The following RBM19 variants were observed in gnomAD, a reference collection of about 807,000 sequenced individuals.
RBM19 encodes the protein RNA binding motif protein 19, also known as probable RNA-binding protein 19.
In RBM19, 94 loss-of-function variants were observed where a neutral mutation model predicts 116.8. The ratio of observed to expected loss-of-function variants is 0.80; its 90% CI spans 0.68 to 0.95. The LOEUF (loss-of-function observed/expected upper bound fraction) is 0.95. Among genes scored for constraint, RBM19 ranks in the 40% least tolerant of loss-of-function variants. The probability of loss-of-function intolerance (pLI) is 0.00; values close to 1 mark genes in which losing one functional copy is unlikely to be tolerated. For missense variants in RBM19, 1,161 were observed against 1,220.7 expected, an observed-to-expected ratio of 0.95 and a Z score of 0.73; for synonymous variants, 475 against 494.1, an observed-to-expected ratio of 0.96 and a Z score of 0.51.
In RBM19 at chr12:113,844,609, C is replaced by T. The variant is rs891877538; in HGVS notation, c.2785+59G>A. On this transcript the variant is annotated intron_variant, in intron 23 of 23. Transcript: ENST00000261741. ...GGGCAGTTCTCTCAGATGTCCCACC[C>T]ACCTCTTGTGTTCCCCAGGGGGCCC... The T allele has an allele frequency of 3.9e-6, 6 of 1,554,236 alleles. No homozygotes were observed. The South Asian group carries it at 4.9e-5, about 13-fold the overall frequency.
chr12:113,857,160 C>T (rs1274430697), intron 22 of RBM19, among the ~76,000 whole-genome samples: 4 of 152,222 alleles, frequency 2.6e-5, no homozygotes, highest in Non-Finnish European at 5.9e-5. Context: ...CTTGGATACC[C>T]AGAGCTCAGT....
At chr12:113,889,259 A>G (rs1479846772) in intron 21 of RBM19, among the ~76,000 whole-genome samples, 1 of 152,158 alleles carries the variant, frequency 6.6e-6, no homozygotes, top group African/African-American at 2.4e-5. Flanking sequence ...GACATTTCCA[A>G]ATGTCCCCTG....
chr12:113,920,559 C>T, intron 19 of RBM19, 52 bp downstream of exon 19: 1 of 1,515,812 alleles, frequency 6.6e-7, no homozygotes, highest in Non-Finnish European at 9.2e-7. Context: ...ACGGGACCTC[C>T]CACTACCTGC....
At chr12:113,959,452 G>T in intron 4 of RBM19, 48 bp from the exon 5 acceptor site, 2 of 1,569,500 alleles carry the variant, frequency 1.3e-6, no homozygotes, top group Non-Finnish European at 1.7e-6. Flanking sequence ...AAAAGAGAGA[G>T]GAAGAGGCAG....
In RBM19 at chr12:113,875,080, G is replaced by A. The variant is rs142653170; in HGVS notation, c.2559-16184C>T. ...AGACACCTCTGCAGAAGATGCAAGC[G>A]GCGAAGCCACGGTGCGGACCGTTCG... On this transcript the variant is annotated intron_variant, in intron 21 of 23. Coordinates refer to ENST00000261741, the MANE Select transcript of RBM19 (RefSeq NM_016196.4). 1.8e-4 allele frequency among the ~76,000 whole-genome samples: 28 copies of A among 152,374 alleles called. No homozygotes were observed. The East Asian group carries it at 4.0e-3, about 22-fold the overall frequency.
At chr12:113,863,216 TG>T in intron 21 of RBM19, among the ~76,000 whole-genome samples, 1 of 147,572 alleles carries the variant, frequency 6.8e-6, no homozygotes, top group East Asian at 2.0e-4. Context: ...TGTGTCTGTG[TG>T]TGTGTGTGTG....
At chr12:113,871,077 C>A (rs2092309902) in intron 21 of RBM19, among the ~76,000 whole-genome samples, 1 of 152,050 alleles carries the variant, frequency 6.6e-6, no homozygotes, top group Non-Finnish European at 1.5e-5. Flanking sequence ...ACTCAGGGAA[C>A]AAGAAGCTTA....
At chr12:113,894,778 G>A (rs1881205601) in intron 21 of RBM19, among the ~76,000 whole-genome samples, 1 of 152,224 alleles carries the variant, frequency 6.6e-6, no homozygotes, top group Non-Finnish European at 1.5e-5. Flanking sequence ...CAAAGCCTGT[G>A]CTATCTGAGA....
chr12:113,897,071 C>T (rs921919990), intron 21 of RBM19, among the ~76,000 whole-genome samples: 2 of 152,218 alleles, frequency 1.3e-5, no homozygotes, highest in African/African-American at 4.8e-5. Context: ...GGCTTTGGGC[C>T]AATGGCTTTA....
intron 8 of RBM19, 123 bp from the exon 9 acceptor site, chr12:113,950,277 G>T: frequency 4.0e-6 from 3 of 752,604 alleles, no homozygotes; most frequent in Middle Eastern, 2.5e-4. Context: ...ACCTTGGTCA[G>T]ATCTCCAAAA....
In RBM19 at chr12:113,940,835, C is replaced by G. The variant is rs1179385027; in HGVS notation, c.1738-675G>C. On this transcript the variant is annotated intron_variant, in intron 14 of 23. Coordinates refer to ENST00000261741, the MANE Select transcript of RBM19 (RefSeq NM_016196.4). ...ACCAAAACTAAAAGACTAAGCTATT[C>G]AGCCTTGAGAAATGTACTTAACTGT... 2.6e-5 allele frequency among the ~76,000 whole-genome samples: 4 copies of G among 152,238 alleles called. No individual in the cohort carries two copies. The East Asian group carries it at 7.7e-4, about 29-fold the overall frequency.
chr12:113,907,444 G>C (rs1169098659), intron 21 of RBM19, among the ~76,000 whole-genome samples: 2 of 152,192 alleles, frequency 1.3e-5, no homozygotes, highest in Non-Finnish European at 2.9e-5. Flanking sequence ...GTGCAGAGGA[G>C]ACAGGAGGCA....
rs1425122499 is a variant in RBM19, at chr12:113,872,569, TG to T, written c.2559-13674del. 3.6e-3 allele frequency among the ~76,000 whole-genome samples: 242 copies of T among 67,358 alleles called. 3 individuals are homozygous for T. The highest frequency in any genetic ancestry group is 0.011 in the Middle Eastern group (1 of 90). The allele number at this position is 67,358 out of a possible 152,430, so 44.2% of individuals were successfully genotyped here. On this transcript the variant is annotated intron_variant, in intron 21 of 23. Transcript: ENST00000261741. Reference sequence around the variant, plus strand: ...CCAGCCGCCCCGTCCGGGAGGGAGGTGGGGGGGGGTCAGCCCCCCTGCCCGG... The same window carrying T: ...CCAGCCGCCCCGTCCGGGAGGGAGGTGGGGGGGGTCAGCCCCCCTGCCCGG...
At chr12:113,944,091 A>ATTTTTTTTTTTTT (rs1244100851) in intron 13 of RBM19, among the ~76,000 whole-genome samples, 1 of 78,478 alleles carries the variant, frequency 1.3e-5, no homozygotes, top group African/African-American at 6.1e-5. Flanking sequence ...CTCCAGATGC[A>ATTTTTTTTTTTTT]TGTTTTTTTT....
chr12:113,844,472 C>T (rs759905), intron 23 of RBM19, among the ~76,000 whole-genome samples, 196 bp downstream of exon 23: 91,067 of 152,096 alleles, frequency 0.6, 28,525 homozygotes, highest in East Asian at 0.97. Context: ...TGTAGGCCAG[C>T]CTCCCGGCAG....
At chr12:113,939,861 G>T in intron 15 of RBM19, 99 bp downstream of exon 15, 3 of 1,316,076 alleles carry the variant, frequency 2.3e-6, no homozygotes, top group Non-Finnish European at 2.1e-6. Context: ...GAGCTCCCAT[G>T]TGCCACATCT....
At chr12:113,932,405 G>C (rs1869685103) in intron 16 of RBM19, among the ~76,000 whole-genome samples, 1 of 152,186 alleles carries the variant, frequency 6.6e-6, no homozygotes, top group African/African-American at 2.4e-5. Flanking sequence ...GAAATCCAGG[G>C]GAAAATGTTG....
At chr12:113,895,954 A>T (rs1163674613) in intron 21 of RBM19, among the ~76,000 whole-genome samples, 4 of 151,902 alleles carry the variant, frequency 2.6e-5, no homozygotes, top group Non-Finnish European at 5.9e-5. Context: ...ATACATGTAC[A>T]TATCTATGTA....
intron 23 of RBM19, among the ~76,000 whole-genome samples, chr12:113,824,959 T>TC (rs1874730801): frequency 6.6e-6 from 1 of 151,792 alleles, no homozygotes; most frequent in African/African-American, 2.4e-5. Context: ...CTGGCCCACC[T>TC]CCCCCTGCTC....
Sources: allele counts gnomAD v4.1 joint callset (sites outside exome capture counted in the v4.1 genomes callset), GRCh38; gene constraint gnomAD v4.1.1; transcripts MANE v1.5; gene names NCBI Gene and HGNC (gene_info 2026-07-23, HGNC 2026-07-21).